Variants in EYA4 observed in about 807,000 individuals in gnomAD.
EYA4 encodes protein phosphatase EYA4.
In EYA4, 31 loss-of-function variants were observed where a neutral mutation model predicts 87.9. That is an observed-to-expected ratio of 0.35 (90% CI 0.27 to 0.48). The LOEUF is 0.48. Ranked by LOEUF, EYA4 falls within the 20% of genes least tolerant of loss-of-function variation. EYA4 has a pLI of 0.99. For synonymous variants in EYA4, 263 were observed against 270.6 expected (o/e 0.97, Z 0.28); for missense variants, 678 against 761.4 (o/e 0.89, Z 1.29).
chr6:133,527,823 A>C (rs1161324039), intron 19 of EYA4, among the ~76,000 whole-genome samples: 1 of 152,304 alleles, frequency 6.6e-6, no homozygotes, highest in East Asian at 1.9e-4. Context: ...TTATACGTAC[A>C]TATTCTAGAA....
At chr6:133,402,131 A>G (rs890650015) in intron 3 of EYA4, among the ~76,000 whole-genome samples, 1 of 152,116 alleles carries the variant, frequency 6.6e-6, no homozygotes, top group Non-Finnish European at 1.5e-5. Context: ...TTAAATCAAA[A>G]AAAAGATCTA....
intron 2 of EYA4, among the ~76,000 whole-genome samples, chr6:133,290,787 T>C (rs1165264874): frequency 6.6e-6 from 1 of 152,170 alleles, no homozygotes; most frequent in African/African-American, 2.4e-5. Flanking sequence ...AGTGAGAACA[T>C]TAACAACAAC....
At chr6:133,431,266 A>C (rs1583259014) in intron 3 of EYA4, among the ~76,000 whole-genome samples, 1 of 152,196 alleles carries the variant, frequency 6.6e-6, no homozygotes, top group East Asian at 1.9e-4. Context: ...ATGAGAAGGC[A>C]TTAGAGGGTT....
chr6:133,318,922 G>A (rs899677790), intron 2 of EYA4, among the ~76,000 whole-genome samples: 3 of 152,130 alleles, frequency 2.0e-5, no homozygotes, highest in Non-Finnish European at 1.5e-5. Context: ...CATAAAGTAC[G>A]ATTTTTCTAA....
intron 2 of EYA4, among the ~76,000 whole-genome samples, chr6:133,286,549 A>T (rs1778074596): frequency 6.6e-6 from 1 of 152,064 alleles, no homozygotes; most frequent in Non-Finnish European, 1.5e-5. Flanking sequence ...TATGTCATAG[A>T]CTGTATGTGG....
chr6:133,460,476 A>G (rs1348120718), intron 6 of EYA4, among the ~76,000 whole-genome samples: 3 of 152,134 alleles, frequency 2.0e-5, no homozygotes, highest in Admixed American at 1.3e-4. Flanking sequence ...TATTATCTCT[A>G]ATAGTTCAAA....
In EYA4 at chr6:133,378,339, A is replaced by G. The variant is rs531200405; in HGVS notation, c.34-4053A>G. 6.6e-5 allele frequency among the ~76,000 whole-genome samples: 10 copies of G among 152,242 alleles called. No individual in the cohort carries two copies. In the East Asian group the frequency reaches 1.2e-3, roughly 18 times the overall value. ...TCATAAGAGGAGGATTTTATTAATC[A>G]TACCTGTCTACATGCATTAAATGAG... On this transcript the variant is annotated intron_variant, in intron 2 of 19. Coordinates refer to ENST00000355286, the MANE Select transcript of EYA4 (RefSeq NM_004100.5).
At chr6:133,282,138 T>A (rs1223605067) in intron 2 of EYA4, among the ~76,000 whole-genome samples, 1 of 152,208 alleles carries the variant, frequency 6.6e-6, no homozygotes, top group Non-Finnish European at 1.5e-5. Flanking sequence ...AAATGGTAGT[T>A]CTGTTTAAAG....
At chr6:133,260,340 C>T (rs753052681) in intron 1 of EYA4, among the ~76,000 whole-genome samples, 2 of 152,070 alleles carry the variant, frequency 1.3e-5, no homozygotes, top group Non-Finnish European at 2.9e-5. Flanking sequence ...TGGGTTCAGG[C>T]GATTCTCCTG....
chr6:133,495,479 G>A (rs193235744), intron 13 of EYA4, among the ~76,000 whole-genome samples: 1 of 41,914 alleles, frequency 2.4e-5, no homozygotes, highest in Non-Finnish European at 5.0e-5. Context: ...TAAATATAAA[G>A]AAATATAGAA....
At chr6:133,432,288 A>T (rs1791251265) in intron 3 of EYA4, among the ~76,000 whole-genome samples, 1 of 152,212 alleles carries the variant, frequency 6.6e-6, no homozygotes, top group Non-Finnish European at 1.5e-5. Context: ...TGCACTAAAC[A>T]CACGGCGCAA....
At chr6:133,320,607 T>G (rs1781015178) in intron 2 of EYA4, among the ~76,000 whole-genome samples, 3 of 152,164 alleles carry the variant, frequency 2.0e-5, no homozygotes, top group Non-Finnish European at 4.4e-5. Context: ...AGGTCTGGGC[T>G]TCCAGCATAC....
intron 2 of EYA4, among the ~76,000 whole-genome samples, chr6:133,348,806 T>C (rs1256323202): frequency 6.6e-6 from 1 of 152,186 alleles, no homozygotes; most frequent in Admixed American, 6.5e-5. Flanking sequence ...ATCTCGGTGA[T>C]TGCAGTAGCC....
At chr6:133,303,685 C>G (rs928519453) in intron 2 of EYA4, among the ~76,000 whole-genome samples, 6 of 152,132 alleles carry the variant, frequency 3.9e-5, no homozygotes, top group African/African-American at 1.4e-4. Flanking sequence ...TTCACTTTAT[C>G]CTTTAATACT....
chr6:133,512,966 T>A lies in EYA4; in HGVS notation c.1429T>A (p.Trp477Arg). The A allele has an allele frequency of 6.2e-7, 1 of 1,614,114 alleles. No homozygotes were observed. The highest frequency in any genetic ancestry group is 8.5e-7 in the Non-Finnish European group (1 of 1,179,974). Residue 477 changes from tryptophan (W) to arginine (R), a missense_variant, in exon 16 of 20, where the codon TGG (tryptophan) becomes AGG (arginine). Coordinates refer to ENST00000355286, the MANE Select transcript of EYA4 (RefSeq NM_004100.5). ...AACAGGTGTAAGAGGAGGGGTTGACTGGATGAGGAAGTTGGCTTTTCGTTA... is the reference window on the plus strand; with the variant it reads ...AACAGGTGTAAGAGGAGGGGTTGACAGGATGAGGAAGTTGGCTTTTCGTTA... ...LPTGVRGGVD[W>R]MRKLAFRYRR... is the part of the protein sequence containing the mutation.
chr6:133,376,518 C>T (rs1476435617), intron 2 of EYA4, among the ~76,000 whole-genome samples: 2 of 151,760 alleles, frequency 1.3e-5, no homozygotes, highest in African/African-American at 2.4e-5. Context: ...TAATGTTTCA[C>T]GATTTGTAAT....
chr6:133,428,942 T>TTTTTG, intron 3 of EYA4, among the ~76,000 whole-genome samples: 1 of 134,072 alleles, frequency 7.5e-6, no homozygotes, highest in Middle Eastern at 3.3e-3. Context: ...TTTTTTTTTT[T>TTTTTG]GTGAAATGGA....
At chr6:133,504,334 C>A (rs1028348399) in intron 13 of EYA4, among the ~76,000 whole-genome samples, 1 of 152,130 alleles carries the variant, frequency 6.6e-6, no homozygotes, top group African/African-American at 2.4e-5. Context: ...CGGATGAATC[C>A]GGCAGCACAG....
At chr6:133,395,497 C>T (rs887100497) in intron 3 of EYA4, among the ~76,000 whole-genome samples, 4 of 152,110 alleles carry the variant, frequency 2.6e-5, no homozygotes, top group Admixed American at 2.0e-4. Context: ...TGGTGGCTCC[C>T]GCCTGTAATC....
Sources: allele counts gnomAD v4.1 joint callset (sites outside exome capture counted in the v4.1 genomes callset), GRCh38; gene constraint gnomAD v4.1.1; transcripts MANE v1.5; gene names NCBI Gene and HGNC (gene_info 2026-07-23, HGNC 2026-07-21).